DNMT1: variants seen among roughly 807,000 people sequenced by gnomAD.
DNMT1 encodes the protein DNA (cytosine-5)-methyltransferase 1.
In DNMT1, 24 loss-of-function variants were observed where a neutral mutation model predicts 205.3. That is an observed-to-expected ratio of 0.12 (90% CI 0.08 to 0.16). DNMT1 has a LOEUF of 0.16. DNMT1 is among the 10% of genes least tolerant of loss of function. The probability of loss-of-function intolerance (pLI) is 1.00; values close to 1 mark genes in which losing one functional copy is unlikely to be tolerated. For missense variants in DNMT1, 1,293 were observed against 2,177.7 expected, an observed-to-expected ratio of 0.59 and a Z score of 8.09; for synonymous variants, 817 against 839.8, an observed-to-expected ratio of 0.97 and a Z score of 0.47.
chr19:10,143,777 G>T lies in DNMT1; in HGVS notation c.3105C>A (p.Asn1035Lys), dbSNP rs774833250. 3 of 1,614,012 alleles carry T rather than the reference G, an allele frequency of 1.9e-6. No homozygotes were observed. In the African/African-American group the frequency reaches 4.0e-5, roughly 22 times the overall value. ...PNETDIKIRVNKFYRPENTHK... is the reference protein window; with the variant it reads ...PNETDIKIRVKKFYRPENTHK... ...AGGCCTCTGCTGACCTGTAGAACTT[G>T]TTGACCCGGATTTTGATGTCAGTCT... The change falls in exon 29 of 41, where the codon AAC becomes AAA. Residue 1035 changes from asparagine (N) to lysine (K), a missense_variant. By Grantham distance (94) the Asn-to-Lys change is moderately conservative. Around this residue, in one of 13 missense-constraint regions of DNMT1, gnomAD observed 167 missense variants for 258.1 expected, o/e 0.65. Transcript: ENST00000359526.
In DNMT1 at chr19:10,177,235, C is replaced by T; in HGVS notation, c.569+57G>A. On this transcript the variant is annotated intron_variant, in intron 6 of 40. Coordinates refer to ENST00000359526, the MANE Select transcript of DNMT1 (RefSeq NM_001130823.3). ...ATTGCCACGTGACGCCCTACCAATT[C>T]CATCCCAAAACAGCCGGCCCCTAAA... The T allele has an allele frequency of 1.6e-5, 25 of 1,535,170 alleles. No individual in the cohort carries two copies. In the South Asian group the frequency reaches 2.8e-4, roughly 17 times the overall value.
chr19:10,188,193 C>A (rs977785496), intron 1 of DNMT1, among the ~76,000 whole-genome samples: 1 of 152,104 alleles, frequency 6.6e-6, no homozygotes, highest in Non-Finnish European at 1.5e-5. Flanking sequence ...TTCTTCAGGC[C>A]GGCTGCATGG....
rs769013455 is a variant in DNMT1 at position 10,156,376 on chromosome 19, C to T, written c.1399+15G>A. On this transcript the variant is annotated intron_variant, in intron 18 of 40. Transcript: ENST00000359526. The surrounding 1 kb of genome is among the most constrained non-coding windows in gnomAD (Gnocchi z 4.2). ...TTAAAGTGTGCCCCAAACATAATCCCGGACTATTCCTTACCTTCAAGAGAT... is the reference window on the plus strand; with the variant it reads ...TTAAAGTGTGCCCCAAACATAATCCTGGACTATTCCTTACCTTCAAGAGAT... The T allele has an allele frequency of 1.6e-5, 26 of 1,591,426 alleles. No individual in the cohort carries two copies. The highest frequency in any genetic ancestry group is 4.0e-5 in the African/African-American group (3 of 74,272).
At chr19:10,134,051 AACTC>A in intron 40 of DNMT1, among the ~76,000 whole-genome samples, 162 bp downstream of exon 40, 1 of 152,308 alleles carries the variant, frequency 6.6e-6, no homozygotes, top group African/African-American at 2.4e-5. Context: ...TGACACGTGC[AACTC>A]ACTCAATCCT....
chr19:10,144,772 C>T (rs1040093142), intron 28 of DNMT1: 4 of 152,266 alleles, frequency 2.6e-5, no homozygotes, highest in Non-Finnish European at 5.9e-5. Context: ...GAGAGTTTCA[C>T]TCTGTCACCC....
intron 13 of DNMT1, among the ~76,000 whole-genome samples, chr19:10,162,087 C>T (rs1471251757): frequency 4.0e-5 from 6 of 151,608 alleles, no homozygotes; most frequent in Non-Finnish European, 5.9e-5. Flanking sequence ...GGTGATGCGC[C>T]TGCCTTGGCC....
At chr19:10,135,545 T>A in intron 39 of DNMT1, 191 bp downstream of exon 39, 1 of 643,820 alleles carries the variant, frequency 1.6e-6, no homozygotes, top group Non-Finnish European at 2.8e-6. Flanking sequence ...GGAACCAGCA[T>A]AGGGACGCAG....
At position 10,182,080 on chromosome 19, in the gene DNMT1, G is replaced by A. The variant is rs76503110; in HGVS notation, c.81-3C>T. The A allele has an allele frequency of 2.4e-4, 395 of 1,613,170 alleles. 1 individual carries two copies. In the African/African-American group the frequency reaches 4.3e-3, roughly 18 times the overall value. On this transcript the variant is annotated splice_polypyrimidine_tract_variant and splice_region_variant and intron_variant, in intron 1 of 40. Coordinates refer to ENST00000359526, the MANE Select transcript of DNMT1 (RefSeq NM_001130823.3). ...TGTCTCTTTCCAAATCTTTGAGCCT[G>A]GGAGGAAGAAATAGGGGAGAAAATA...
chr19:10,173,643 C>T (rs2038872546), intron 8 of DNMT1, among the ~76,000 whole-genome samples: 1 of 151,988 alleles, frequency 6.6e-6, no homozygotes, highest in Non-Finnish European at 1.5e-5. Flanking sequence ...AGGCACATTC[C>T]ACCACGCCCA....
At chr19:10,160,094 T>C in intron 14 of DNMT1, 31 bp from the exon 15 acceptor site, 1 of 1,610,990 alleles carries the variant, frequency 6.2e-7, no homozygotes, top group South Asian at 1.1e-5. Context: ...ACAAGATCGT[T>C]TGTTTAATTG....
At chr19:10,136,698 A>T (rs2145254783) in intron 37 of DNMT1, among the ~76,000 whole-genome samples, 1 of 151,840 alleles carries the variant, frequency 6.6e-6, no homozygotes, top group South Asian at 2.1e-4. Flanking sequence ...GGCCTCCCAA[A>T]GTGCTGGGAT....
chr19:10,194,762 C>A, intron 1 of DNMT1, 58 bp downstream of exon 1: 1 of 1,535,576 alleles, frequency 6.5e-7, no homozygotes, highest in African/African-American at 1.4e-5. Flanking sequence ...GGGAAGCGAC[C>A]CCCCACCCAG....
At chr19:10,179,990 TAAAAA>T in intron 5 of DNMT1, 192 bp downstream of exon 5, 4 of 182,864 alleles carry the variant, frequency 2.2e-5, no homozygotes, top group South Asian at 1.5e-4. Flanking sequence ...ACTCTGTCAT[TAAAAA>T]AAAAAAAAAA....
At chr19:10,162,859 C>G in intron 12 of DNMT1, 111 bp from the exon 13 acceptor site, 1 of 1,196,654 alleles carries the variant, frequency 8.4e-7, no homozygotes, top group African/African-American at 1.5e-5. Flanking sequence ...GCAAGATACC[C>G]ATGGGAGCTC....
intron 6 of DNMT1, among the ~76,000 whole-genome samples, chr19:10,176,806 C>T (rs2038946869): frequency 6.6e-6 from 1 of 151,866 alleles, no homozygotes; most frequent in South Asian, 2.1e-4. Flanking sequence ...TGCAGTGAGC[C>T]GAGATCGTGC....
chr19:10,145,807 G>A (rs867840414), intron 28 of DNMT1, among the ~76,000 whole-genome samples: 7 of 152,152 alleles, frequency 4.6e-5, no homozygotes, highest in East Asian at 1.9e-4. Context: ...TGTCCCTCGC[G>A]CTTTATCCAG....
chr19:10,150,117 C>T, intron 24 of DNMT1, 149 bp from the exon 25 acceptor site: 1 of 737,908 alleles, frequency 1.4e-6, no homozygotes, highest in East Asian at 2.7e-5. Flanking sequence ...ACATCCTGTT[C>T]TACAAGGGCT....
In DNMT1 at chr19:10,146,570, G is replaced by T. The variant is rs1194029670; in HGVS notation, c.2721-46C>A. ...GAAACATAAGGCCCTGAGGTGGCCGGCAGTGGCCGCAGCAGCTACTGCCAG... is the reference window on the plus strand; with the variant it reads ...GAAACATAAGGCCCTGAGGTGGCCGTCAGTGGCCGCAGCAGCTACTGCCAG... On this transcript the variant is annotated intron_variant, in intron 27 of 40. Coordinates refer to ENST00000359526, the MANE Select transcript of DNMT1 (RefSeq NM_001130823.3). The surrounding 1 kb of genome is among the most constrained non-coding windows in gnomAD (Gnocchi z 4.4). The T allele has an allele frequency of 8.7e-6, 14 of 1,610,626 alleles. No individual in the cohort carries two copies. The highest frequency in any genetic ancestry group is 1.3e-5 in the African/African-American group (1 of 75,012).
intron 37 of DNMT1, 129 bp from the exon 38 acceptor site, chr19:10,136,416 A>C (rs959379341): frequency 8.7e-7 from 1 of 1,152,178 alleles, no homozygotes; most frequent in Admixed American, 2.0e-5. Flanking sequence ...TGGAGCAGCC[A>C]ACAATCCTCG....
Sources: allele counts gnomAD v4.1 joint callset (sites outside exome capture counted in the v4.1 genomes callset), GRCh38; gene constraint gnomAD v4.1.1; regional missense constraint gnomAD v4.1.1; non-coding constraint Gnocchi (gnomAD v3.1); transcripts MANE v1.5; gene names NCBI Gene and HGNC (gene_info 2026-07-23, HGNC 2026-07-21).